Variants in PNLIPRP3 observed in about 807,000 individuals in gnomAD.
PNLIPRP3 encodes pancreatic lipase related protein 3.
PNLIPRP3 carries 58 observed loss-of-function variants against 52.8 expected under a neutral mutation model. That is an observed-to-expected ratio of 1.10 (90% CI 0.89 to 1.37). The LOEUF (loss-of-function observed/expected upper bound fraction) is 1.37, where lower values mean the gene tolerates loss of function less well. Ranked by LOEUF, PNLIPRP3 falls within the 40% of genes most tolerant of loss-of-function variation. The probability of loss-of-function intolerance (pLI) is 0.00; values close to 1 mark genes in which losing one functional copy is unlikely to be tolerated. For synonymous variants in PNLIPRP3, 192 were observed against 185.0 expected (o/e 1.04, Z -0.31); for missense variants, 593 against 561.6 (o/e 1.06, Z -0.57).
intron 7 of PNLIPRP3, among the ~76,000 whole-genome samples, chr10:116,463,225 T>C (rs1052694309): frequency 6.6e-6 from 1 of 152,238 alleles, no homozygotes; most frequent in African/African-American, 2.4e-5. Flanking sequence ...AAAATTGTTA[T>C]TGCCCAGCGT....
chr10:116,449,826 C>T (rs1264596778), intron 4 of PNLIPRP3, among the ~76,000 whole-genome samples: 1 of 152,102 alleles, frequency 6.6e-6, no homozygotes, highest in Non-Finnish European at 1.5e-5. Context: ...AGAACCTTCG[C>T]CAGGATAGAT....
chr10:116,456,460 A>G (rs904576710), intron 5 of PNLIPRP3, among the ~76,000 whole-genome samples: 6 of 152,202 alleles, frequency 3.9e-5, no homozygotes, highest in Admixed American at 3.9e-4. Context: ...AATATGGACA[A>G]CTATTATATA....
intron 3 of PNLIPRP3, 106 bp downstream of exon 3, chr10:116,443,280 G>A: frequency 1.7e-6 from 2 of 1,205,848 alleles, no homozygotes; most frequent in East Asian, 5.6e-5. Context: ...CTTCCATTCA[G>A]TTATCCACAA....
intron 4 of PNLIPRP3, 135 bp from the exon 5 acceptor site, chr10:116,455,585 TTG>T (rs1308990258): frequency 9.3e-6 from 6 of 644,224 alleles, no homozygotes; most frequent in Non-Finnish European, 1.6e-5. Flanking sequence ...AGGTGTCACT[TTG>T]TGACTTTACC....
At chr10:116,449,753 C>G (rs1243563692) in intron 4 of PNLIPRP3, among the ~76,000 whole-genome samples, 1 of 152,072 alleles carries the variant, frequency 6.6e-6, no homozygotes, top group Non-Finnish European at 1.5e-5. Context: ...CCAAATGGAC[C>G]TAACACATGT....
Position 116,436,833 on chromosome 10 carries a change from C to A in PNLIPRP3, c.172C>A (p.Leu58Ile). The A allele has an allele frequency of 6.2e-7, 1 of 1,611,682 alleles. No individual in the cohort carries two copies. Among genetic ancestry groups the A allele is most frequent in the Non-Finnish European group, 8.5e-7 (1 of 1,178,644 alleles). ...SPEKINTRFL[L>I]YTIHNPNAYQ... ...AGAGAAGATAAACACTCGTTTCCTG[C>A]TCTACACTATACACAATCCCAATGC... The change falls in exon 2 of 12, where the codon CTC (leucine) becomes ATC (isoleucine). Residue 58 changes from leucine (L) to isoleucine (I), a missense_variant. Coordinates refer to ENST00000369230, the MANE Select transcript of PNLIPRP3 (RefSeq NM_001011709.3).
intron 2 of PNLIPRP3, among the ~76,000 whole-genome samples, chr10:116,442,143 A>G (rs1161398824): frequency 6.6e-6 from 1 of 152,172 alleles, no homozygotes; most frequent in Non-Finnish European, 1.5e-5. Context: ...ATTTTTTCCA[A>G]TAGAATTGCT....
intron 9 of PNLIPRP3, among the ~76,000 whole-genome samples, chr10:116,471,225 TA>T (rs1779155876): frequency 1.3e-5 from 2 of 152,218 alleles, no homozygotes; most frequent in South Asian, 4.1e-4. Flanking sequence ...GGGAATGATC[TA>T]CTGACAGATA....
chr10:116,460,387 C>T lies in PNLIPRP3; in HGVS notation c.566-579C>T, dbSNP rs770529528. Among the ~76,000 whole-genome samples, 6 of 152,186 alleles carry T rather than the reference C, an allele frequency of 3.9e-5. No individual in the cohort carries two copies. In the East Asian group the frequency reaches 9.6e-4, roughly 24 times the overall value. On this transcript the variant is annotated intron_variant, in intron 5 of 11. Transcript: ENST00000369230. Reference sequence around the variant, plus strand: ...GCCCTTATTTTACGAAACATTTGAACATGACGCAATGGGATGAGAGTCTGG... The same window carrying T: ...GCCCTTATTTTACGAAACATTTGAATATGACGCAATGGGATGAGAGTCTGG...
In PNLIPRP3 at chr10:116,431,393, C is replaced by G. The variant is rs538739826; in HGVS notation, c.49+3332C>G. Among the ~76,000 whole-genome samples the G allele has an allele frequency of 2.0e-5, 3 of 152,274 alleles. No homozygotes were observed. The East Asian group carries it at 5.8e-4, about 29-fold the overall frequency. ...TGTTACCTCCTAGCATTAACCCCTG[C>G]TCCTCATCCACCTACCCCTATTCAA... is the stretch of plus-strand genomic sequence containing the variant. On this transcript the variant is annotated intron_variant, in intron 1 of 11. Coordinates refer to ENST00000369230, the MANE Select transcript of PNLIPRP3 (RefSeq NM_001011709.3).
At chr10:116,438,498 A>G (rs1327852779) in intron 2 of PNLIPRP3, among the ~76,000 whole-genome samples, 2 of 152,206 alleles carry the variant, frequency 1.3e-5, no homozygotes, top group African/African-American at 4.8e-5. Flanking sequence ...ACACACATAC[A>G]TATGTACACA....
chr10:116,468,037 A>G (rs1448434844), intron 8 of PNLIPRP3, among the ~76,000 whole-genome samples: 1 of 148,728 alleles, frequency 6.7e-6, no homozygotes, highest in African/African-American at 2.5e-5. Context: ...AGGCAGGAGA[A>G]TGGCATCAAC....
chr10:116,457,136 C>T (rs950042829), intron 5 of PNLIPRP3, among the ~76,000 whole-genome samples: 31 of 152,334 alleles, frequency 2.0e-4, no homozygotes, highest in African/African-American at 7.5e-4. Flanking sequence ...TCAAATGTTT[C>T]CTCCTCAGGC....
intron 10 of PNLIPRP3, among the ~76,000 whole-genome samples, chr10:116,476,061 G>A (rs573318668): frequency 6.6e-6 from 1 of 152,166 alleles, no homozygotes; most frequent in East Asian, 1.9e-4. Flanking sequence ...ACAAGTCATT[G>A]GTTTCACTTT....
intron 5 of PNLIPRP3, among the ~76,000 whole-genome samples, chr10:116,459,131 T>C (rs67570003): frequency 0.13 from 20,129 of 152,084 alleles, 2,392 homozygotes; most frequent in African/African-American, 0.32. Flanking sequence ...TTTGTTTTTT[T>C]GACTCCCTCT....
chr10:116,466,004 A>G, intron 7 of PNLIPRP3, 46 bp from the exon 8 acceptor site: 4 of 1,328,084 alleles, frequency 3.0e-6, no homozygotes. Context: ...TTATGCTACC[A>G]GTTATCAGTT....
In PNLIPRP3 at chr10:116,477,786, A is replaced by C. The variant is rs1846499653; in HGVS notation, c.*633A>C. On this transcript the variant is annotated 3_prime_UTR_variant, in exon 12 of 12. Coordinates refer to ENST00000369230, the MANE Select transcript of PNLIPRP3 (RefSeq NM_001011709.3). ...TTAGCAATGGGACCTGAAGTTCAAC[A>C]ACCCAGGGTATAGCCCCCTTCCTCC... is the stretch of plus-strand genomic sequence containing the variant. The C allele has an allele frequency of 6.6e-6, 1 of 152,256 alleles. No homozygotes were observed. The highest frequency in any genetic ancestry group is 1.5e-5 in the Non-Finnish European group (1 of 68,052). The allele number at this position is 152,256 out of a possible 1,614,324, so 9.4% of individuals were successfully genotyped here.
chr10:116,464,662 C>CA (rs1846251691), intron 7 of PNLIPRP3, among the ~76,000 whole-genome samples: 1 of 152,056 alleles, frequency 6.6e-6, no homozygotes, highest in African/African-American at 2.4e-5. Context: ...GTGGTGGTGC[C>CA]AAAAAAACTT....
intron 1 of PNLIPRP3, among the ~76,000 whole-genome samples, chr10:116,429,667 T>A (rs1194557308): frequency 6.6e-6 from 1 of 152,220 alleles, no homozygotes; most frequent in Non-Finnish European, 1.5e-5. Context: ...ATGATTCTCC[T>A]GCCCCAGGAC....
Sources: gnomAD v4.1 joint callset for allele counts (sites outside exome capture counted in the v4.1 genomes callset) on GRCh38, gnomAD v4.1.1 for gene constraint, MANE v1.5 for transcripts, NCBI Gene and HGNC (gene_info 2026-07-23, HGNC 2026-07-21) for gene names.